SSR3: variants seen among roughly 807,000 people sequenced by gnomAD.
SSR3 encodes translocon-associated protein subunit gamma.
A neutral mutation model predicts 22.1 loss-of-function variants in SSR3; 10 were observed. The observed-to-expected ratio is 0.45, with a 90% CI of 0.28 to 0.77. The LOEUF (loss-of-function observed/expected upper bound fraction) is 0.77. SSR3 is among the 30% of genes least tolerant of loss of function. The pLI, the probability that SSR3 is intolerant of heterozygous loss-of-function variation, is 0.13. For synonymous variants in SSR3, 104 were observed against 82.5 expected, an observed-to-expected ratio of 1.26 and a Z score of -1.42; for missense variants, 181 against 220.5, an observed-to-expected ratio of 0.82 and a Z score of 1.13.
intron 1 of SSR3, among the ~76,000 whole-genome samples, chr3:156,554,318 G>A (rs1010899903): frequency 5.3e-5 from 8 of 152,214 alleles, no homozygotes; most frequent in Non-Finnish European, 1.0e-4. Flanking sequence ...AAAGACAGGA[G>A]TTCTGGAAAC....
chr3:156,549,840 A>C lies in SSR3; in HGVS notation c.261-837T>G, dbSNP rs563712815. Among the ~76,000 whole-genome samples, 19 of 152,308 alleles carry C rather than the reference A, an allele frequency of 1.2e-4. No individual in the cohort carries two copies. The South Asian group carries it at 3.9e-3, about 32-fold the overall frequency. On this transcript the variant is annotated intron_variant, in intron 2 of 4. Transcript: ENST00000265044. ...AAAAAAAACAAAACAAAACACACACAATTAAGAGGAAATCAATTCTGAAAC... is the reference window on the plus strand; with the variant it reads ...AAAAAAAACAAAACAAAACACACACCATTAAGAGGAAATCAATTCTGAAAC...
intron 2 of SSR3, chr3:156,549,223 T>C (rs1407300542): frequency 7.3e-6 from 3 of 413,524 alleles, no homozygotes; most frequent in South Asian, 8.6e-5. Context: ...GTGACGTGTT[T>C]TGATTTCCCC....
intron 2 of SSR3, 151 bp downstream of exon 2, chr3:156,553,503 TC>T: frequency 1.3e-6 from 1 of 746,516 alleles, no homozygotes; most frequent in Non-Finnish European, 2.0e-6. Context: ...TAATAATTCT[TC>T]CTAGCATCAA....
At position 156,552,792 on chromosome 3, in the gene SSR3, C is replaced by T. The variant is rs1396263382; in HGVS notation, c.260+863G>A. ...ACCACTTCCAATGAGACAATGAGGA[C>T]CATGACGCTGAGAAATAATAAATGT... On this transcript the variant is annotated intron_variant, in intron 2 of 4. Transcript: ENST00000265044. Among the ~76,000 whole-genome samples, 9 of 152,172 alleles carry T rather than the reference C, an allele frequency of 5.9e-5. No homozygotes were observed. In the East Asian group the frequency reaches 1.7e-3, roughly 29 times the overall value.
chr3:156,543,325 A>G, intron 4 of SSR3, 56 bp from the exon 5 acceptor site: 1 of 1,373,790 alleles, frequency 7.3e-7, no homozygotes. Context: ...GTTTTTTGAG[A>G]AAATAAAGAG....
chr3:156,554,863 AC>A, intron 1 of SSR3, 93 bp downstream of exon 1: 2 of 1,500,254 alleles, frequency 1.3e-6, no homozygotes, highest in African/African-American at 1.4e-5. Context: ...CCCGGCCGGC[AC>A]CCACGCCTTC....
chr3:156,553,981 G>GA, intron 1 of SSR3, 200 bp from the exon 2 acceptor site: 1 of 429,228 alleles, frequency 2.3e-6, no homozygotes, highest in Admixed American at 4.3e-5. Context: ...CAGAACATTT[G>GA]AAAAACATCA....
At chr3:156,550,735 T>C (rs749492477) in intron 2 of SSR3, among the ~76,000 whole-genome samples, 1 of 152,226 alleles carries the variant, frequency 6.6e-6, no homozygotes, top group Non-Finnish European at 1.5e-5. Flanking sequence ...TTTGCAAACA[T>C]GGTTTAAATT....
At chr3:156,551,493 G>A (rs1368413609) in intron 2 of SSR3, 2 of 148,766 alleles carry the variant, frequency 1.3e-5, no homozygotes, top group African/African-American at 5.0e-5. Context: ...CTGAATCCTG[G>A]AATAGCAGCT....
chr3:156,549,005 T>A lies in SSR3; in HGVS notation c.261-2A>T. The A allele has an allele frequency of 6.2e-7, 1 of 1,603,286 alleles. No homozygotes were observed. Reference sequence around the variant, plus strand: ...GCATCCTCCCTCTTCTGTGCTACTCTGGAAGAAAAAGAAAAAAAGAAAAAG... The same window carrying A: ...GCATCCTCCCTCTTCTGTGCTACTCAGGAAGAAAAAGAAAAAAAGAAAAAG... On this transcript the variant is annotated splice_acceptor_variant, in intron 2 of 4. Coordinates refer to ENST00000265044, the MANE Select transcript of SSR3 (RefSeq NM_007107.5). LOFTEE classifies it high-confidence loss of function.
intron 3 of SSR3, among the ~76,000 whole-genome samples, chr3:156,546,278 G>A (rs1045313471): frequency 2.0e-5 from 3 of 152,214 alleles, no homozygotes; most frequent in Non-Finnish European, 4.4e-5. Flanking sequence ...GCCACCTTGT[G>A]TAGAAGGCAC....
chr3:156,543,046 C>G lies in SSR3; in HGVS notation c.*157G>C, dbSNP rs1197635750. The G allele has an allele frequency of 2.0e-6, 1 of 498,956 alleles. No homozygotes were observed. The highest frequency in any genetic ancestry group is 3.5e-6 in the Non-Finnish European group (1 of 282,002). 30.9% of individuals were successfully genotyped at this position (498,956 alleles called of 1,614,324 possible). Reference sequence around the variant, plus strand: ...TTAATTTCAACAATCTGTCAAAAAACAGCCAATAAACAAATACTGAATTAC... The same window carrying G: ...TTAATTTCAACAATCTGTCAAAAAAGAGCCAATAAACAAATACTGAATTAC... On this transcript the variant is annotated 3_prime_UTR_variant, in exon 5 of 5. Coordinates refer to ENST00000265044, the MANE Select transcript of SSR3 (RefSeq NM_007107.5).
chr3:156,553,592 C>T, intron 2 of SSR3, 63 bp downstream of exon 2: 7 of 1,528,958 alleles, frequency 4.6e-6, no homozygotes, highest in Non-Finnish European at 5.3e-6. Flanking sequence ...CACAAATGAT[C>T]TTTAAGAAGA....
chr3:156,545,909 C>G (rs551516328), intron 3 of SSR3, among the ~76,000 whole-genome samples: 1 of 152,354 alleles, frequency 6.6e-6, no homozygotes, highest in East Asian at 1.9e-4. Context: ...AATGAACACT[C>G]AGGACAACTG....
At chr3:156,544,484 A>G (rs528377693) in intron 3 of SSR3, 45 bp from the exon 4 acceptor site, 1 of 1,468,588 alleles carries the variant, frequency 6.8e-7, no homozygotes, top group South Asian at 1.5e-5. Context: ...AATATGATTT[A>G]AAAAAACTTT....
chr3:156,550,182 T>C (rs979267852), intron 2 of SSR3, among the ~76,000 whole-genome samples: 2 of 152,200 alleles, frequency 1.3e-5, no homozygotes, highest in Admixed American at 1.3e-4. Flanking sequence ...CAACTTTTTT[T>C]TCCACAAAAG....
At chr3:156,544,104 C>T (rs767492060) in intron 4 of SSR3, 32 of 428,364 alleles carry the variant, frequency 7.5e-5, no homozygotes, top group Non-Finnish European at 1.2e-4. Context: ...CTTTATCATA[C>T]AGTCATAATT....
At position 156,539,810 on chromosome 3, in the gene SSR3, CAAAG is replaced by C. The variant is rs1223556971; in HGVS notation, c.*3389_*3392del. 6.6e-6 allele frequency among the ~76,000 whole-genome samples: 1 copy of C among 152,136 alleles called. No homozygotes were observed. The highest frequency in any genetic ancestry group is 2.4e-5 in the African/African-American group (1 of 41,410). Reference sequence around the variant, plus strand: ...CAGTGACTGGCATGCACACTGAAAACAAAGAAATAGGGCAGGCAGGAAGGCACAG... The same window carrying C: ...CAGTGACTGGCATGCACACTGAAAACAAATAGGGCAGGCAGGAAGGCACAG... On this transcript the variant is annotated 3_prime_UTR_variant, in exon 5 of 5. Coordinates refer to ENST00000265044, the MANE Select transcript of SSR3 (RefSeq NM_007107.5).
intron 2 of SSR3, among the ~76,000 whole-genome samples, chr3:156,552,135 T>C (rs1243117213): frequency 1.3e-5 from 2 of 152,030 alleles, no homozygotes; most frequent in African/African-American, 4.8e-5. Context: ...ACTCCATCTC[T>C]ACAAAATATA....
Sources: allele counts gnomAD v4.1 joint callset (sites outside exome capture counted in the v4.1 genomes callset), GRCh38; gene constraint gnomAD v4.1.1; transcripts MANE v1.5; gene names NCBI Gene and HGNC (gene_info 2026-07-23, HGNC 2026-07-21).